The following IL1RAPL2 variants were observed in gnomAD, a reference collection of about 807,000 sequenced individuals.
IL1RAPL2 encodes the protein X-linked interleukin-1 receptor accessory protein-like 2.
Under a neutral mutation model 44.1 loss-of-function variants are expected in IL1RAPL2, and 3 were observed. The ratio of observed to expected loss-of-function variants is 0.07; its 90% CI spans 0.03 to 0.18. IL1RAPL2 has a LOEUF of 0.18. Among genes scored for constraint, IL1RAPL2 ranks in the 10% least tolerant of loss-of-function variants. The pLI, the probability that IL1RAPL2 is intolerant of heterozygous loss-of-function variation, is 1.00. For synonymous variants in IL1RAPL2, 181 were observed against 178.8 expected (o/e 1.01, Z -0.10); for missense variants, 391 against 496.4 (o/e 0.79, Z 2.02).
chrX:105,306,650 C>T (rs752768928), intron 5 of IL1RAPL2, among the ~76,000 whole-genome samples: 3 of 111,489 alleles, frequency 2.7e-5, no homozygotes, highest in African/African-American at 9.8e-5. Context: ...GGTCATACAT[C>T]TTTGAGAGTA....
chrX:105,715,989 C>T (rs1279622508), intron 6 of IL1RAPL2, among the ~76,000 whole-genome samples: 1 of 111,490 alleles, frequency 9.0e-6, no homozygotes, highest in Non-Finnish European at 1.9e-5. Context: ...ACTTGTAGGG[C>T]CTTGGTAGAA....
At chrX:104,567,104 C>T (rs185007928) in intron 1 of IL1RAPL2, 53 bp downstream of exon 1, 2 of 113,186 alleles carry the variant, frequency 1.8e-5, no homozygotes, top group African/African-American at 6.4e-5. Flanking sequence ...CAGGGGAGAA[C>T]GCGCTGCGCT....
chrX:104,976,876 A>G (rs1214816774), intron 2 of IL1RAPL2, among the ~76,000 whole-genome samples: 1 of 86,707 alleles, frequency 1.2e-5, no homozygotes, highest in Non-Finnish European at 2.2e-5. Flanking sequence ...GCCCTGACTT[A>G]AACAATTGCC....
chrX:105,706,079 A>G (rs2038163704), intron 6 of IL1RAPL2, among the ~76,000 whole-genome samples: 1 of 110,855 alleles, frequency 9.0e-6, no homozygotes, highest in Non-Finnish European at 1.9e-5. Context: ...TATTGAAGAC[A>G]GAACTAGATC....
chrX:104,658,848 C>T (rs1930330142), intron 1 of IL1RAPL2, 47 bp from the exon 2 acceptor site: 2 of 865,093 alleles, frequency 2.3e-6, no homozygotes, highest in South Asian at 2.1e-5. Flanking sequence ...TTTGTTGAGG[C>T]CAAGATCTGT....
chrX:105,678,370 G>T (rs886459314), intron 6 of IL1RAPL2, among the ~76,000 whole-genome samples: 1 of 111,857 alleles, frequency 8.9e-6, no homozygotes, highest in Non-Finnish European at 1.9e-5. Context: ...TACTCATTTA[G>T]TTATTTTTAA....
At chrX:104,627,446 AC>A (rs1016846206) in intron 1 of IL1RAPL2, among the ~76,000 whole-genome samples, 1 of 108,989 alleles carries the variant, frequency 9.2e-6, no homozygotes. Flanking sequence ...ACAAACCTGC[AC>A]ATTGTGCACA....
intron 2 of IL1RAPL2, among the ~76,000 whole-genome samples, chrX:105,166,883 T>A (rs923441988): frequency 3.1e-4 from 35 of 112,312 alleles, no homozygotes; most frequent in Admixed American, 2.0e-3. Context: ...GTTGTGTTTT[T>A]AAAGTGGAGT....
At chrX:104,653,803 G>A (rs1930199077) in intron 1 of IL1RAPL2, among the ~76,000 whole-genome samples, 1 of 110,968 alleles carries the variant, frequency 9.0e-6, no homozygotes, top group Admixed American at 9.6e-5. Context: ...ATAGAATACT[G>A]GACCTTTACA....
chrX:104,603,770 G>C (rs747760641), intron 1 of IL1RAPL2, among the ~76,000 whole-genome samples: 31 of 111,867 alleles, frequency 2.8e-4, no homozygotes, highest in African/African-American at 9.7e-4. Flanking sequence ...GAATGAAAAG[G>C]AATGAGCAAA....
intron 2 of IL1RAPL2, among the ~76,000 whole-genome samples, chrX:104,862,284 G>C (rs934159102): frequency 3.6e-5 from 4 of 110,783 alleles, no homozygotes; most frequent in African/African-American, 1.3e-4. Context: ...ATTGGTTACT[G>C]TTATGTGCTG....
chrX:105,108,822 T>TTAGA (rs2032772551), intron 2 of IL1RAPL2, among the ~76,000 whole-genome samples: 1 of 111,825 alleles, frequency 8.9e-6, no homozygotes, highest in African/African-American at 3.3e-5. Flanking sequence ...CAAACGTAAA[T>TTAGA]TAGATAATTT....
intron 5 of IL1RAPL2, among the ~76,000 whole-genome samples, chrX:105,347,371 T>C (rs911528121): frequency 2.7e-5 from 3 of 111,739 alleles, no homozygotes; most frequent in African/African-American, 9.8e-5. Context: ...TTTCCACATA[T>C]GTAAAGTGGA....
At chrX:104,612,122 T>C (rs1929174840) in intron 1 of IL1RAPL2, among the ~76,000 whole-genome samples, 1 of 112,035 alleles carries the variant, frequency 8.9e-6, no homozygotes, top group Non-Finnish European at 1.9e-5. Flanking sequence ...AAATATTTTC[T>C]CCCAATAGGT....
chrX:104,579,315 T>G (rs765326709), intron 1 of IL1RAPL2, among the ~76,000 whole-genome samples: 1 of 111,615 alleles, frequency 9.0e-6, no homozygotes, highest in Non-Finnish European at 1.9e-5. Context: ...TGCAGCACTA[T>G]TCACAATAGC....
chrX:105,454,298 T>C (rs780090408), intron 5 of IL1RAPL2, among the ~76,000 whole-genome samples: 2 of 111,798 alleles, frequency 1.8e-5, no homozygotes, highest in Non-Finnish European at 3.8e-5. Flanking sequence ...TTCCCACTCC[T>C]TGGGACATAA....
At chrX:105,028,898 A>G (rs965826522) in intron 2 of IL1RAPL2, among the ~76,000 whole-genome samples, 1 of 110,801 alleles carries the variant, frequency 9.0e-6, no homozygotes, top group African/African-American at 3.3e-5. Context: ...AGGGGTTACG[A>G]GCATAAATAC....
chrX:104,644,544 CT>C (rs1569288445), intron 1 of IL1RAPL2, among the ~76,000 whole-genome samples: 1 of 111,163 alleles, frequency 9.0e-6, no homozygotes, highest in African/African-American at 3.3e-5. Flanking sequence ...CTCCAGAAAC[CT>C]TTTTTTAATC....
intron 2 of IL1RAPL2, among the ~76,000 whole-genome samples, chrX:104,718,311 A>T (rs1045791371): frequency 2.7e-5 from 3 of 111,380 alleles, no homozygotes; most frequent in Admixed American, 9.6e-5. Context: ...CTGGTGTGAG[A>T]TAGTATCTCA....
Sources: allele counts gnomAD v4.1 joint callset (sites outside exome capture counted in the v4.1 genomes callset), GRCh38; gene constraint gnomAD v4.1.1; transcripts MANE v1.5; gene names NCBI Gene and HGNC (gene_info 2026-07-23, HGNC 2026-07-21).